The following WNT7A variants were observed in gnomAD, a reference collection of about 807,000 sequenced individuals.
The protein encoded by WNT7A is protein Wnt-7a.
A neutral mutation model predicts 28.2 loss-of-function variants in WNT7A; 16 were observed. The ratio of observed to expected loss-of-function variants is 0.57; its 90% CI spans 0.38 to 0.86. WNT7A has a LOEUF of 0.86. Among genes scored for constraint, WNT7A ranks in the 40% least tolerant of loss-of-function variants. The pLI, the probability that WNT7A is intolerant of heterozygous loss-of-function variation, is 0.00. For synonymous variants in WNT7A, 190 were observed against 195.9 expected (o/e 0.97, Z 0.25); for missense variants, 411 against 489.7 (o/e 0.84, Z 1.52).
intron 3 of WNT7A, among the ~76,000 whole-genome samples, chr3:13,831,545 T>G (rs1448216872): frequency 6.6e-6 from 1 of 152,168 alleles, no homozygotes; most frequent in Non-Finnish European, 1.5e-5. Context: ...CACTGTCGCA[T>G]GCCACTGGGA....
At chr3:13,820,862 C>G (rs948598793) in intron 3 of WNT7A, among the ~76,000 whole-genome samples, 1 of 152,150 alleles carries the variant, frequency 6.6e-6, no homozygotes, top group Non-Finnish European at 1.5e-5. Context: ...GCCAGTGATG[C>G]CACAGGCATC....
At chr3:13,829,679 G>A (rs954634377) in intron 3 of WNT7A, among the ~76,000 whole-genome samples, 2 of 152,164 alleles carry the variant, frequency 1.3e-5, no homozygotes, top group East Asian at 1.9e-4. Context: ...AACACAGGGG[G>A]ATCTCGGAGA....
intron 3 of WNT7A, among the ~76,000 whole-genome samples, chr3:13,823,331 C>T (rs570864710): frequency 7.9e-5 from 12 of 152,208 alleles, no homozygotes; most frequent in East Asian, 1.9e-4. Flanking sequence ...TAAGATGACA[C>T]GGCTCCATGC....
chr3:13,839,230 G>A (rs9828003), intron 3 of WNT7A, among the ~76,000 whole-genome samples: 5,718 of 152,222 alleles, frequency 0.038, 358 homozygotes, highest in African/African-American at 0.13. Flanking sequence ...AAACTTGTCG[G>A]AAATGCAGAA....
Position 13,817,159 on chromosome 3 carries a change from T to C in WNT7A, c.*1785A>G, listed in dbSNP as rs569485091. On this transcript the variant is annotated 3_prime_UTR_variant, in exon 4 of 4. Coordinates refer to ENST00000285018, the MANE Select transcript of WNT7A (RefSeq NM_004625.4). ...TGTGGGGACAGAGTTCAGAGGTGCC[T>C]TCTCTTGGCGGTTCAACACAATCAC... 3 of 152,308 alleles carry C rather than the reference T, an allele frequency of 2.0e-5. No homozygotes were observed. In the South Asian group the frequency reaches 6.2e-4, roughly 32 times the overall value. The allele number at this position is 152,308 out of a possible 1,614,324, so 9.4% of individuals were successfully genotyped here.
At chr3:13,832,205 T>C (rs1163892347) in intron 3 of WNT7A, among the ~76,000 whole-genome samples, 16 of 111,480 alleles carry the variant, frequency 1.4e-4, no homozygotes, top group South Asian at 3.3e-4. Flanking sequence ...TGCTCCTCCT[T>C]CTCCTTCTCT....
chr3:13,820,721 T>C (rs376715125), intron 3 of WNT7A, among the ~76,000 whole-genome samples: 2 of 152,154 alleles, frequency 1.3e-5, no homozygotes, highest in African/African-American at 4.8e-5. Flanking sequence ...ACTCTGAGAA[T>C]TGGGTCCATG....
At chr3:13,868,379 G>A (rs1297812246) in intron 2 of WNT7A, among the ~76,000 whole-genome samples, 3 of 151,702 alleles carry the variant, frequency 2.0e-5, no homozygotes. Context: ...TGTAATCCCA[G>A]TGGAAGGATT....
At chr3:13,861,544 T>C (rs922266958) in intron 2 of WNT7A, among the ~76,000 whole-genome samples, 2 of 152,096 alleles carry the variant, frequency 1.3e-5, no homozygotes, top group Non-Finnish European at 2.9e-5. Flanking sequence ...AGGGCAGTGA[T>C]GGGAGTGGGG....
rs1459063610 is a variant in WNT7A, at chr3:13,819,240, G to A, written c.754C>T (p.Leu252=). The change falls in exon 4 of 4, where the codon CTG becomes TTG. Residue 252 remains leucine (L), a synonymous_variant. Transcript: ENST00000285018. ...TACGACAGTGGCTTCTTGATCTTCA[G>A]GAAGGTGGGCCGCTTGTTGCGGCTG... The part of the protein sequence containing the change: ...RASRNKRPTF[L]KIKKPLSYRK... 3 of 1,614,250 alleles carry A rather than the reference G, an allele frequency of 1.9e-6. No individual in the cohort carries two copies. The highest frequency in any genetic ancestry group is 2.5e-6 in the Non-Finnish European group (3 of 1,180,048).
intron 3 of WNT7A, among the ~76,000 whole-genome samples, chr3:13,822,988 T>C (rs1694136581): frequency 6.6e-6 from 1 of 152,196 alleles, no homozygotes; most frequent in Non-Finnish European, 1.5e-5. Flanking sequence ...ATGGTGGTAT[T>C]GAATGGGCTC....
intron 2 of WNT7A, among the ~76,000 whole-genome samples, chr3:13,868,808 GAA>G (rs367813447): frequency 0.57 from 55,371 of 97,822 alleles, 16,267 homozygotes; most frequent in East Asian, 0.85. Flanking sequence ...GAGAGAGAAA[GAA>G]AGAGAGAGAG....
intron 3 of WNT7A, among the ~76,000 whole-genome samples, chr3:13,835,700 C>A (rs1263134092): frequency 6.6e-6 from 1 of 152,270 alleles, no homozygotes; most frequent in Non-Finnish European, 1.5e-5. Context: ...ACCAGAAACA[C>A]ACTCACACAC....
intron 3 of WNT7A, among the ~76,000 whole-genome samples, chr3:13,841,421 A>G (rs1007336262): frequency 5.3e-5 from 8 of 152,230 alleles, no homozygotes; most frequent in Non-Finnish European, 1.0e-4. Context: ...GCCTGAGTTC[A>G]TATCCTGGCT....
At chr3:13,822,882 C>G (rs563857603) in intron 3 of WNT7A, among the ~76,000 whole-genome samples, 201 of 152,296 alleles carry the variant, frequency 1.3e-3, no homozygotes, top group Middle Eastern at 6.8e-3. Context: ...GAAAATGGCT[C>G]CTGTGTCCTG....
intron 3 of WNT7A, among the ~76,000 whole-genome samples, chr3:13,833,620 C>A (rs1391108139): frequency 6.6e-6 from 1 of 152,238 alleles, no homozygotes; most frequent in African/African-American, 2.4e-5. Flanking sequence ...TCCCTGCAGG[C>A]TGCTAGGTTG....
At chr3:13,877,960 G>A (rs893557429) in intron 1 of WNT7A, among the ~76,000 whole-genome samples, 1 of 152,230 alleles carries the variant, frequency 6.6e-6, no homozygotes, top group Non-Finnish European at 1.5e-5. Flanking sequence ...TAGGGACGTT[G>A]AGACTTCACC....
At chr3:13,857,309 A>C (rs1694761639) in intron 2 of WNT7A, among the ~76,000 whole-genome samples, 1 of 152,170 alleles carries the variant, frequency 6.6e-6, no homozygotes, top group South Asian at 2.1e-4. Flanking sequence ...TAAGCCCATG[A>C]GGTGTCAGGA....
intron 2 of WNT7A, among the ~76,000 whole-genome samples, chr3:13,872,767 G>T (rs1480238433): frequency 6.6e-6 from 1 of 152,182 alleles, no homozygotes. Context: ...GCCCTGCACT[G>T]CAGCCCTCCT....
Sources: allele counts gnomAD v4.1 joint callset (sites outside exome capture counted in the v4.1 genomes callset), GRCh38; gene constraint gnomAD v4.1.1; transcripts MANE v1.5; gene names NCBI Gene and HGNC (gene_info 2026-07-23, HGNC 2026-07-21).